ZFP2: variants seen among roughly 807,000 people sequenced by gnomAD.
ZFP2 encodes zinc finger protein ZFP2.
A neutral mutation model predicts 36.1 loss-of-function variants in ZFP2; 33 were observed. That is an observed-to-expected ratio of 0.92 (90% CI 0.69 to 1.22). The LOEUF (loss-of-function observed/expected upper bound fraction) is 1.22, where lower values mean the gene tolerates loss of function less well. ZFP2 is among the 50% of genes most tolerant of loss of function. The probability of loss-of-function intolerance (pLI) is 0.00; values close to 1 mark genes in which losing one functional copy is unlikely to be tolerated. For missense variants in ZFP2, 522 were observed against 551.4 expected (o/e 0.95, Z 0.53); for synonymous variants, 170 against 178.0 (o/e 0.96, Z 0.36).
chr5:178,930,563 C>T (rs981004039), intron 4 of ZFP2, among the ~76,000 whole-genome samples: 3 of 152,030 alleles, frequency 2.0e-5, no homozygotes, highest in Non-Finnish European at 4.4e-5. Flanking sequence ...TCAAGTGATC[C>T]GCCTGCCTTG....
chr5:178,915,156 C>T (rs1758391814), intron 3 of ZFP2, among the ~76,000 whole-genome samples: 1 of 151,850 alleles, frequency 6.6e-6, no homozygotes, highest in African/African-American at 2.4e-5. Context: ...TTTCCTTGCT[C>T]CCTAGATTAT....
In ZFP2 at chr5:178,913,087, T is replaced by C. The variant is rs1389301668; in HGVS notation, c.-224+16T>C. 8 of 984,046 alleles carry C rather than the reference T, an allele frequency of 8.1e-6. No homozygotes were observed. The highest frequency in any genetic ancestry group is 9.7e-6 in the Non-Finnish European group (8 of 828,404). 61.0% of individuals were successfully genotyped at this position (984,046 alleles called of 1,614,324 possible). ...GGCTTTCGAGGTAAGTGCCAGGCTG[T>C]GCAGACTTGTTAAATGAGTGTGTCT... On this transcript the variant is annotated intron_variant, in intron 3 of 4. Coordinates refer to ENST00000361362, the MANE Select transcript of ZFP2 (RefSeq NM_030613.4).
chr5:178,916,457 CAG>C, intron 3 of ZFP2, 106 bp from the exon 4 acceptor site: 6 of 604,256 alleles, frequency 9.9e-6, no homozygotes, highest in Non-Finnish European at 1.2e-5. Flanking sequence ...TCTGAAAGAG[CAG>C]AGAGGTGTCC....
intron 1 of ZFP2, chr5:178,909,999 AG>A: frequency 1.4e-6 from 2 of 1,419,162 alleles, no homozygotes; most frequent in Non-Finnish European, 2.0e-6. Flanking sequence ...TAGTTTCCAT[AG>A]GGTGATGGCT....
intron 3 of ZFP2, among the ~76,000 whole-genome samples, chr5:178,916,089 G>A (rs990156635): frequency 6.6e-6 from 1 of 152,224 alleles, no homozygotes; most frequent in African/African-American, 2.4e-5. Flanking sequence ...AACATAGTGA[G>A]GGGGCCAAGG....
At chr5:178,913,215 C>A in intron 3 of ZFP2, 144 bp downstream of exon 3, 1 of 267,630 alleles carries the variant, frequency 3.7e-6, no homozygotes, top group Non-Finnish European at 5.8e-6. Flanking sequence ...GGCCTCTTTT[C>A]TCTAGGGCTC....
rs1014706083 is a variant in ZFP2, at chr5:178,932,798, A to G, written c.*99A>G. On this transcript the variant is annotated 3_prime_UTR_variant, in exon 5 of 5. Coordinates refer to ENST00000361362, the MANE Select transcript of ZFP2 (RefSeq NM_030613.4). ...CCTAATAAATGTAATGATTGTGGGA[A>G]TCTTTCAGTTGAAGTACAATATGTC... 5 of 1,420,480 alleles carry G rather than the reference A, an allele frequency of 3.5e-6. No homozygotes were observed. The highest frequency in any genetic ancestry group is 4.7e-6 in the Non-Finnish European group (5 of 1,063,746). 88.0% of individuals were successfully genotyped at this position (1,420,480 alleles called of 1,614,324 possible). A position where few individuals can be genotyped will look rare whatever the true frequency, so the allele number is the denominator to read the frequency against.
intron 4 of ZFP2, among the ~76,000 whole-genome samples, chr5:178,928,424 G>A (rs949695118): frequency 6.6e-6 from 1 of 152,174 alleles, no homozygotes; most frequent in Non-Finnish European, 1.5e-5. Context: ...TATACTGGGG[G>A]TATAGGCATT....
rs199720928 is a variant in ZFP2 at position 178,932,017 on chromosome 5, C to T, written c.704C>T (p.Thr235Ile). 1.5e-5 allele frequency: 24 copies of T among 1,613,680 alleles called. No individual in the cohort carries two copies. The highest frequency in any genetic ancestry group is 9.3e-5 in the African/African-American group (7 of 74,968). ...QSMNLTVHQR[T>I]HTGEKPYECN... ...ATGAATTTGACAGTTCATCAGAGAA[C>T]TCATACAGGAGAAAAACCCTATGAA... The change falls in exon 5 of 5, where the codon ACT becomes ATT. Residue 235 changes from threonine to isoleucine, a missense_variant. Transcript: ENST00000361362.
chr5:178,908,254 C>T (rs1177573839), intron 1 of ZFP2, among the ~76,000 whole-genome samples: 2 of 152,044 alleles, frequency 1.3e-5, no homozygotes, highest in African/African-American at 4.8e-5. Context: ...CGAGACAATC[C>T]TGGCTAACAT....
chr5:178,926,129 G>A (rs1758664197), intron 4 of ZFP2, among the ~76,000 whole-genome samples: 1 of 128,166 alleles, frequency 7.8e-6, no homozygotes, highest in Non-Finnish European at 1.9e-5. Context: ...TTACAGGCGC[G>A]AGCCACTGCA....
At chr5:178,914,430 T>C (rs1758375145) in intron 3 of ZFP2, among the ~76,000 whole-genome samples, 1 of 152,232 alleles carries the variant, frequency 6.6e-6, no homozygotes, top group Admixed American at 6.5e-5. Context: ...TTGTGTTTAA[T>C]GATAATTTCT....
intron 4 of ZFP2, among the ~76,000 whole-genome samples, chr5:178,927,018 T>C (rs1758687919): frequency 6.6e-6 from 1 of 152,214 alleles, no homozygotes; most frequent in South Asian, 2.1e-4. Context: ...CTTGGTTTGT[T>C]TGTTCAGTGT....
At chr5:178,927,898 G>A (rs146207895) in intron 4 of ZFP2, among the ~76,000 whole-genome samples, 1 of 151,716 alleles carries the variant, frequency 6.6e-6, no homozygotes, top group African/African-American at 2.4e-5. Context: ...TGTACGGGAA[G>A]CATTAGTGCC....
At chr5:178,912,073 C>T (rs1731247305) in intron 1 of ZFP2, among the ~76,000 whole-genome samples, 3 of 152,172 alleles carry the variant, frequency 2.0e-5, no homozygotes, top group Admixed American at 6.5e-5. Flanking sequence ...GTGGAGGTTG[C>T]AGTAAGCCGA....
At chr5:178,909,726 C>G (rs1758248144) in intron 1 of ZFP2, 5 of 1,540,944 alleles carry the variant, frequency 3.2e-6, no homozygotes, top group Middle Eastern at 3.6e-4. Context: ...CTCCTCAGGA[C>G]ACAAGCCCTC....
chr5:178,906,326 T>C, intron 1 of ZFP2, among the ~76,000 whole-genome samples: 1 of 152,210 alleles, frequency 6.6e-6, no homozygotes, highest in East Asian at 1.9e-4. Context: ...CTTGCATTTC[T>C]GATTTGATAC....
intron 1 of ZFP2, among the ~76,000 whole-genome samples, chr5:178,907,306 GATAC>G (rs1758185837): frequency 2.0e-5 from 3 of 151,818 alleles, no homozygotes; most frequent in African/African-American, 7.3e-5. Context: ...AAGGAATATA[GATAC>G]ATATATGTGT....
At chr5:178,910,369 C>G in intron 1 of ZFP2, 1 of 1,041,070 alleles carries the variant, frequency 9.6e-7, no homozygotes, top group Non-Finnish European at 1.5e-6. Context: ...GAAGACTCCT[C>G]GGCACTGGAG....
Sources: gnomAD v4.1 joint callset for allele counts (sites outside exome capture counted in the v4.1 genomes callset) on GRCh38, gnomAD v4.1.1 for gene constraint, MANE v1.5 for transcripts, NCBI Gene and HGNC (gene_info 2026-07-23, HGNC 2026-07-21) for gene names.